Variants in SLC10A7 observed in about 807,000 individuals in gnomAD.
SLC10A7 encodes sodium/bile acid cotransporter 7.
SLC10A7 carries 29 observed loss-of-function variants against 43.2 expected under a neutral mutation model. The ratio of observed to expected loss-of-function variants is 0.67; its 90% CI spans 0.50 to 0.92. The LOEUF (loss-of-function observed/expected upper bound fraction) is 0.92, where lower values mean the gene tolerates loss of function less well. Ranked by LOEUF, SLC10A7 falls within the 40% of genes least tolerant of loss-of-function variation. SLC10A7 has a pLI of 0.00. For missense variants in SLC10A7, 295 were observed against 403.2 expected (o/e 0.73, Z 2.30); for synonymous variants, 152 against 144.8 (o/e 1.05, Z -0.35).
chr4:146,433,376 T>C (rs2149874333), intron 5 of SLC10A7, among the ~76,000 whole-genome samples: 1 of 151,692 alleles, frequency 6.6e-6, no homozygotes, highest in African/African-American at 2.4e-5. Flanking sequence ...ATAAGAAACA[T>C]AAGCAAAAGA....
At chr4:146,382,693 G>T (rs1737713111) in intron 5 of SLC10A7, among the ~76,000 whole-genome samples, 1 of 152,062 alleles carries the variant, frequency 6.6e-6, no homozygotes, top group South Asian at 2.1e-4. Context: ...TATAAATAAT[G>T]TCCTCTTCGA....
intron 5 of SLC10A7, among the ~76,000 whole-genome samples, chr4:146,377,176 G>A (rs968467603): frequency 3.3e-5 from 5 of 152,164 alleles, no homozygotes; most frequent in African/African-American, 1.2e-4. Flanking sequence ...AGAAGTTACT[G>A]TTTATTTCTA....
chr4:146,314,120 G>A (rs922230654), intron 6 of SLC10A7, among the ~76,000 whole-genome samples: 1 of 152,114 alleles, frequency 6.6e-6, no homozygotes, highest in Non-Finnish European at 1.5e-5. Flanking sequence ...AGTCTCAGTC[G>A]AGTGACAAAA....
intron 5 of SLC10A7, among the ~76,000 whole-genome samples, chr4:146,378,934 G>A (rs1737404403): frequency 6.6e-6 from 1 of 151,082 alleles, no homozygotes; most frequent in South Asian, 2.1e-4. Context: ...TTGAGTATTA[G>A]AACAGTCAAG....
intron 5 of SLC10A7, among the ~76,000 whole-genome samples, chr4:146,426,245 A>C (rs1047030793): frequency 1.3e-5 from 2 of 152,372 alleles, no homozygotes; most frequent in Admixed American, 6.5e-5. Context: ...ATATTACTAG[A>C]AACGGTTCAG....
chr4:146,356,051 A>AAATAT (rs1553961389), intron 5 of SLC10A7, among the ~76,000 whole-genome samples: 16 of 140,132 alleles, frequency 1.1e-4, no homozygotes, highest in African/African-American at 2.9e-4. Context: ...AAAAAAAAAA[A>AAATAT]ATATATATAT....
chr4:146,431,458 A>G (rs891302083), intron 5 of SLC10A7, among the ~76,000 whole-genome samples: 3 of 152,180 alleles, frequency 2.0e-5, no homozygotes, highest in African/African-American at 7.2e-5. Context: ...TTATAAAACT[A>G]AAAGAAAATA....
At chr4:146,412,925 C>T (rs1351930627) in intron 5 of SLC10A7, among the ~76,000 whole-genome samples, 1 of 152,074 alleles carries the variant, frequency 6.6e-6, no homozygotes, top group African/African-American at 2.4e-5. Context: ...TCTGGCTGTT[C>T]ACCACTCCAT....
chr4:146,358,189 C>G (rs947298991), intron 5 of SLC10A7, among the ~76,000 whole-genome samples: 2 of 152,094 alleles, frequency 1.3e-5, no homozygotes, highest in Non-Finnish European at 2.9e-5. Context: ...CCTCTTTCCC[C>G]CATGTATCTG....
At chr4:146,503,996 A>T in intron 3 of SLC10A7, 72 bp from the exon 4 acceptor site, 1 of 1,269,562 alleles carries the variant, frequency 7.9e-7, no homozygotes. Context: ...ATTCATTCTA[A>T]AATAGCAAGG....
intron 9 of SLC10A7, among the ~76,000 whole-genome samples, chr4:146,287,012 T>TTGGAGTGGTGAGAAGGACTGAGTC (rs1730047715): frequency 6.9e-6 from 1 of 144,984 alleles, no homozygotes; most frequent in Non-Finnish European, 1.5e-5. Context: ...AGGACTGTGT[T>TTGGAGTGGTGAGAAGGACTGAGTC]TGGAGTGGTG....
intron 10 of SLC10A7, among the ~76,000 whole-genome samples, chr4:146,273,849 C>T (rs1310816883): frequency 1.3e-5 from 2 of 152,086 alleles, no homozygotes; most frequent in African/African-American, 4.8e-5. Flanking sequence ...CATCTGTTTA[C>T]AAGCCCTGTA....
chr4:146,320,661 G>A (rs969630756), intron 6 of SLC10A7, among the ~76,000 whole-genome samples: 5 of 152,026 alleles, frequency 3.3e-5, no homozygotes, highest in Admixed American at 3.3e-4. Context: ...GTATTGGAAG[G>A]ACCAACTATG....
chr4:146,407,823 A>G (rs1727843588), intron 5 of SLC10A7, among the ~76,000 whole-genome samples: 1 of 152,164 alleles, frequency 6.6e-6, no homozygotes, highest in African/African-American at 2.4e-5. Context: ...TGTGCCTCAA[A>G]TACATGACAG....
chr4:146,264,665 C>T (rs1301253658), intron 10 of SLC10A7, among the ~76,000 whole-genome samples: 2 of 152,114 alleles, frequency 1.3e-5, no homozygotes, highest in African/African-American at 4.8e-5. Flanking sequence ...CTCACAACTC[C>T]TGCTGCAACT....
chr4:146,464,473 A>G (rs1431294674), intron 4 of SLC10A7, among the ~76,000 whole-genome samples: 1 of 152,122 alleles, frequency 6.6e-6, no homozygotes, highest in Admixed American at 6.6e-5. Flanking sequence ...AAAATATTAT[A>G]TACCATACAA....
chr4:146,464,142 CA>C (rs200887727), intron 4 of SLC10A7, among the ~76,000 whole-genome samples: 49 of 143,706 alleles, frequency 3.4e-4, no homozygotes, highest in Admixed American at 4.1e-4. Context: ...TTTCTAATAG[CA>C]AAAAAAAAAG....
chr4:146,353,456 G>A (rs1735300152), intron 5 of SLC10A7, among the ~76,000 whole-genome samples: 2 of 139,344 alleles, frequency 1.4e-5, no homozygotes, highest in African/African-American at 5.5e-5. Flanking sequence ...TCTACCAGAG[G>A]TACAAGGAGG....
chr4:146,293,910 T>A lies in SLC10A7; in HGVS notation c.721+20A>T. On this transcript the variant is annotated intron_variant, in intron 8 of 11. Transcript: ENST00000335472. Reference sequence around the variant, plus strand: ...TGAGGACACTGAGGGATAGCCAGGCTATCCCATTTTCCAACTTACTTATGA... The same window carrying A: ...TGAGGACACTGAGGGATAGCCAGGCAATCCCATTTTCCAACTTACTTATGA... The A allele has an allele frequency of 6.3e-7, 1 of 1,594,102 alleles. No individual in the cohort carries two copies. Among genetic ancestry groups the A allele is most frequent in the South Asian group, 1.1e-5 (1 of 87,986 alleles).
Sources: allele counts gnomAD v4.1 joint callset (sites outside exome capture counted in the v4.1 genomes callset), GRCh38; gene constraint gnomAD v4.1.1; transcripts MANE v1.5; gene names NCBI Gene and HGNC (gene_info 2026-07-23, HGNC 2026-07-21).